The following SRGAP3 variants were observed in gnomAD, a reference collection of about 807,000 sequenced individuals.
SRGAP3 encodes SLIT-ROBO Rho GTPase activating protein 3.
Under a neutral mutation model 121.1 loss-of-function variants are expected in SRGAP3, and 39 were observed. The ratio of observed to expected loss-of-function variants is 0.32; its 90% CI spans 0.25 to 0.42. The LOEUF is 0.42. SRGAP3 is among the 10% of genes least tolerant of loss of function. The probability of loss-of-function intolerance (pLI) is 1.00; values close to 1 mark genes in which losing one functional copy is unlikely to be tolerated. For missense variants in SRGAP3, 1,213 were observed against 1,470.6 expected (o/e 0.82, Z 2.86); for synonymous variants, 601 against 570.0 (o/e 1.05, Z -0.77).
At chr3:9,028,064 C>G in intron 12 of SRGAP3, 1 of 1,613,568 alleles carries the variant, frequency 6.2e-7, no homozygotes, top group Non-Finnish European at 8.5e-7. Context: ...GTTTCCATCA[C>G]GGTGAATGGG....
At chr3:9,054,061 A>G (rs1945707770) in intron 8 of SRGAP3, among the ~76,000 whole-genome samples, 1 of 152,132 alleles carries the variant, frequency 6.6e-6, no homozygotes. Flanking sequence ...CTCAGTGCCT[A>G]TTACTGTCTA....
chr3:8,993,697 C>G (rs1388733072), intron 19 of SRGAP3, among the ~76,000 whole-genome samples: 1 of 152,182 alleles, frequency 6.6e-6, no homozygotes, highest in African/African-American at 2.4e-5. Flanking sequence ...CCCCCTCTCT[C>G]CCATCACAAT....
chr3:9,047,462 T>A lies in SRGAP3; in HGVS notation c.1337A>T (p.Tyr446Phe). ...GGTGATGAGGTTACTGCCATTCACA[T>A]ACTCTTTAAATTTCTGTAAGACACA... Reference protein sequence around the residue: ...EMFYFTKFKEYVNGSNLITKL... With the variant: ...EMFYFTKFKEFVNGSNLITKL... Residue 446 changes from tyrosine to phenylalanine, a missense_variant, in exon 10 of 22, where the codon TAT becomes TTT. Coordinates refer to ENST00000383836, the MANE Select transcript of SRGAP3 (RefSeq NM_014850.4). 2 of 1,614,186 alleles carry A rather than the reference T, an allele frequency of 1.2e-6. No homozygotes were observed. Among genetic ancestry groups the A allele is most frequent in the South Asian group, 2.2e-5 (2 of 91,086 alleles).
chr3:9,107,979 G>A (rs1358997812), intron 2 of SRGAP3, among the ~76,000 whole-genome samples: 1 of 152,214 alleles, frequency 6.6e-6, no homozygotes, highest in African/African-American at 2.4e-5. Flanking sequence ...GTCAGAGAGA[G>A]GATGGAATTG....
intron 1 of SRGAP3, among the ~76,000 whole-genome samples, chr3:9,234,792 G>A (rs1357641861): frequency 1.3e-5 from 2 of 152,170 alleles, no homozygotes; most frequent in African/African-American, 4.8e-5. Flanking sequence ...CCAGCAGAGA[G>A]CAACAAGGAG....
intron 1 of SRGAP3, among the ~76,000 whole-genome samples, chr3:9,338,635 A>C (rs1265876121): frequency 1.3e-5 from 2 of 152,202 alleles, no homozygotes; most frequent in East Asian, 3.8e-4. Context: ...CTTCTTGATA[A>C]GCCTCACAAA....
At chr3:9,182,769 T>A (rs1951460785) in intron 1 of SRGAP3, among the ~76,000 whole-genome samples, 1 of 152,124 alleles carries the variant, frequency 6.6e-6, no homozygotes, top group African/African-American at 2.4e-5. Flanking sequence ...TGCTCCTGCC[T>A]CAGCCTCCCA....
intron 1 of SRGAP3, among the ~76,000 whole-genome samples, chr3:9,191,306 C>G (rs1276657891): frequency 1.3e-5 from 2 of 152,218 alleles, no homozygotes; most frequent in African/African-American, 2.4e-5. Context: ...CCAAATTTCT[C>G]TACCATGAGC....
At chr3:9,124,249 A>G (rs1383596820) in intron 2 of SRGAP3, among the ~76,000 whole-genome samples, 2 of 152,182 alleles carry the variant, frequency 1.3e-5, no homozygotes, top group Admixed American at 6.5e-5. Context: ...CCAGGAGAGC[A>G]AGGAAGAGGA....
At chr3:8,996,514 A>C (rs1210766659) in intron 18 of SRGAP3, among the ~76,000 whole-genome samples, 1 of 152,214 alleles carries the variant, frequency 6.6e-6, no homozygotes, top group Non-Finnish European at 1.5e-5. Flanking sequence ...TAGCTACCCG[A>C]CAAATGTCTT....
chr3:9,343,047 C>T (rs1955821642), intron 1 of SRGAP3, among the ~76,000 whole-genome samples: 2 of 152,238 alleles, frequency 1.3e-5, no homozygotes, highest in Non-Finnish European at 2.9e-5. Context: ...CCCTGCTCAG[C>T]TCTTAGTACA....
In SRGAP3 at chr3:9,137,534, T is replaced by C. The variant is rs143217643; in HGVS notation, c.68-12617A>G. On this transcript the variant is annotated intron_variant, in intron 1 of 21. Transcript: ENST00000383836. Reference sequence around the variant, plus strand: ...ATGATGATGCTATCAACCAGGAAAATTTTCTTCTATGTAAGAGGAAATGAT... The same window carrying C: ...ATGATGATGCTATCAACCAGGAAAACTTTCTTCTATGTAAGAGGAAATGAT... Among the ~76,000 whole-genome samples, 96 of 152,130 alleles carry C rather than the reference T, an allele frequency of 6.3e-4. 1 individual carries two copies. In the East Asian group the frequency reaches 0.017, roughly 28 times the overall value.
chr3:9,319,382 G>C (rs1438835898), intron 3 of SRGAP3, among the ~76,000 whole-genome samples: 2 of 151,820 alleles, frequency 1.3e-5, no homozygotes, highest in East Asian at 3.8e-4. Context: ...AATCATTTGG[G>C]CCAAGAGATA....
intron 3 of SRGAP3, among the ~76,000 whole-genome samples, chr3:9,085,044 G>C (rs183604802): frequency 6.6e-6 from 1 of 152,258 alleles, no homozygotes; most frequent in East Asian, 1.9e-4. Context: ...TGTCTTCTCT[G>C]CACTTGTAAA....
chr3:9,211,311 C>T (rs180851542), intron 1 of SRGAP3, among the ~76,000 whole-genome samples: 1 of 152,306 alleles, frequency 6.6e-6, no homozygotes, highest in Admixed American at 6.5e-5. Flanking sequence ...ATCTCTCATT[C>T]TCCCAGCTCC....
chr3:9,130,532 G>A, intron 1 of SRGAP3, among the ~76,000 whole-genome samples: 1 of 152,164 alleles, frequency 6.6e-6, no homozygotes, highest in Non-Finnish European at 1.5e-5. Flanking sequence ...GCTAGCCTGT[G>A]CTCCTAACAG....
At chr3:9,187,533 C>T (rs1255628485) in intron 1 of SRGAP3, among the ~76,000 whole-genome samples, 4 of 152,162 alleles carry the variant, frequency 2.6e-5, no homozygotes, top group African/African-American at 4.8e-5. Context: ...TCTTACCCAG[C>T]CCTGGGCCTC....
chr3:9,058,711 T>A (rs1945964772), intron 6 of SRGAP3: 5 of 402,688 alleles, frequency 1.2e-5, no homozygotes, highest in East Asian at 4.8e-5. Context: ...TCTTTCTCTC[T>A]CTCTTTTTTT....
At chr3:9,064,004 C>G (rs535655504) in intron 5 of SRGAP3, among the ~76,000 whole-genome samples, 4 of 152,196 alleles carry the variant, frequency 2.6e-5, no homozygotes, top group African/African-American at 7.2e-5. Context: ...CCTCACCCCC[C>G]GCCCCTACCC....
Sources: gnomAD v4.1 joint callset for allele counts (sites outside exome capture counted in the v4.1 genomes callset) on GRCh38, gnomAD v4.1.1 for gene constraint, MANE v1.5 for transcripts, NCBI Gene and HGNC (gene_info 2026-07-23, HGNC 2026-07-21) for gene names.